SPTAN1: variants seen among roughly 807,000 people sequenced by gnomAD.
The protein encoded by SPTAN1 is spectrin alpha chain, non-erythrocytic 1.
SPTAN1 carries 61 observed loss-of-function variants against 331.3 expected under a neutral mutation model. That is an observed-to-expected ratio of 0.18 (90% CI 0.15 to 0.23). The LOEUF is 0.23. Ranked by LOEUF, SPTAN1 falls within the 10% of genes least tolerant of loss-of-function variation. SPTAN1 has a pLI of 1.00. For missense variants in SPTAN1, 2,043 were observed against 3,147.9 expected, an observed-to-expected ratio of 0.65 and a Z score of 8.40; for synonymous variants, 1,153 against 1,173.9, an observed-to-expected ratio of 0.98 and a Z score of 0.36.
At chr9:128,585,510 T>C (rs900052741) in intron 18 of SPTAN1, among the ~76,000 whole-genome samples, 10 of 152,162 alleles carry the variant, frequency 6.6e-5, no homozygotes, top group Admixed American at 2.0e-4. Flanking sequence ...TAATGCCAAC[T>C]TGCGATATCT....
At chr9:128,570,694 T>G (rs766194537) in intron 3 of SPTAN1, among the ~76,000 whole-genome samples, 8 of 151,446 alleles carry the variant, frequency 5.3e-5, no homozygotes, top group Admixed American at 2.0e-4. Flanking sequence ...TTTGCTCTTG[T>G]TGCCCCGGCT....
At chr9:128,593,219 G>A (rs529205496) in intron 23 of SPTAN1, 177 bp downstream of exon 23, 15 of 701,734 alleles carry the variant, frequency 2.1e-5, no homozygotes, top group Admixed American at 4.1e-5. Flanking sequence ...CAGCTGTGTC[G>A]GTCGATGACT....
At chr9:128,612,464 C>A (rs1375133883) in intron 39 of SPTAN1, among the ~76,000 whole-genome samples, 2 of 152,152 alleles carry the variant, frequency 1.3e-5, no homozygotes, top group Admixed American at 6.5e-5. Context: ...GACTACAGGT[C>A]ACTCACATCC....
Position 128,627,758 on chromosome 9 carries a change from A to G in SPTAN1, c.6690-167A>G. Reference sequence around the variant, plus strand: ...GTGGGACCATGCAGGGCGCGTGGTCAGCCCCAGCCATGACTTGGTGACAGA... The same window carrying G: ...GTGGGACCATGCAGGGCGCGTGGTCGGCCCCAGCCATGACTTGGTGACAGA... On this transcript the variant is annotated intron_variant, in intron 50 of 56. Transcript: ENST00000372739. The surrounding 1 kb of genome is among the most constrained non-coding windows in gnomAD (Gnocchi z 4.9). 1 of 942,184 alleles carries G rather than the reference A, an allele frequency of 1.1e-6. No individual in the cohort carries two copies. Among genetic ancestry groups the G allele is most frequent in the Non-Finnish European group, 1.7e-6 (1 of 576,500 alleles). The allele number at this position is 942,184 out of a possible 1,614,324, so 58.4% of individuals were successfully genotyped here. A position where few individuals can be genotyped will look rare whatever the true frequency, so the allele number is the denominator to read the frequency against.
intron 37 of SPTAN1, among the ~76,000 whole-genome samples, chr9:128,611,067 G>A (rs1324685631): frequency 1.3e-5 from 2 of 152,238 alleles, no homozygotes; most frequent in African/African-American, 4.8e-5. Flanking sequence ...GGAAATTGAT[G>A]TACAAGCAGA....
At chr9:128,623,485 T>A (rs982365570) in intron 45 of SPTAN1, among the ~76,000 whole-genome samples, 6 of 151,594 alleles carry the variant, frequency 4.0e-5, no homozygotes, top group Non-Finnish European at 5.9e-5. Flanking sequence ...AGACAGAGTC[T>A]TGCTGTGTTG....
In SPTAN1 at chr9:128,582,549, G is replaced by A. The variant is rs753283021; in HGVS notation, c.1643G>A (p.Arg548Gln). Residue 548 changes from arginine to glutamine, a missense_variant, in exon 13 of 57, where the codon CGA becomes CAA. By Grantham distance (43) the Arg-to-Gln change is conservative (BLOSUM62 1). Around this residue, in one of 12 missense-constraint regions of SPTAN1, gnomAD observed 1,038 missense variants for 1,531.5 expected, o/e 0.68. Coordinates refer to ENST00000372739, the MANE Select transcript of SPTAN1 (RefSeq NM_001130438.3). ...HYAMEDVATR[R>Q]DALLSRRNAL... The stretch of plus-strand genomic sequence containing the variant: ...GCAATGGAAGATGTGGCCACTCGCC[G>A]AGATGCTGTAAGTTTGTAGGTTCTT... 1.9e-6 allele frequency: 3 copies of A among 1,613,794 alleles called. No individual in the cohort carries two copies. The highest frequency in any genetic ancestry group is 2.5e-6 in the Non-Finnish European group (3 of 1,180,024).
At chr9:128,610,698 T>C (rs1350736144) in intron 37 of SPTAN1, among the ~76,000 whole-genome samples, 3 of 152,226 alleles carry the variant, frequency 2.0e-5, no homozygotes, top group African/African-American at 7.2e-5. Flanking sequence ...TCTGTTTCTT[T>C]ATGGATTCAT....
intron 18 of SPTAN1, among the ~76,000 whole-genome samples, chr9:128,585,281 G>A (rs1254937442): frequency 1.3e-5 from 2 of 151,932 alleles, no homozygotes; most frequent in African/African-American, 2.4e-5. Context: ...CACCTACCTC[G>A]GCCTCCCAAA....
At chr9:128,591,688 G>A in intron 22 of SPTAN1, 63 bp downstream of exon 22, 1 of 1,606,434 alleles carries the variant, frequency 6.2e-7, no homozygotes, top group Non-Finnish European at 8.5e-7. Flanking sequence ...GTTCCACATG[G>A]GCCGAAGCTT....
At chr9:128,555,206 T>C in intron 1 of SPTAN1, 2 of 493,712 alleles carry the variant, frequency 4.1e-6, no homozygotes, top group South Asian at 4.1e-5. Flanking sequence ...CTATACAGAA[T>C]GTCAGAGAGA....
intron 1 of SPTAN1, among the ~76,000 whole-genome samples, chr9:128,561,877 C>G (rs1435060497): frequency 6.6e-6 from 1 of 151,808 alleles, no homozygotes; most frequent in Non-Finnish European, 1.5e-5. Context: ...ATAATTGGAT[C>G]TATAATATGT....
intron 45 of SPTAN1, among the ~76,000 whole-genome samples, chr9:128,622,967 G>A (rs1304993602): frequency 6.6e-6 from 1 of 151,590 alleles, no homozygotes; most frequent in African/African-American, 2.4e-5. Flanking sequence ...TGGTTAGGCT[G>A]GTCTCAAACT....
At chr9:128,560,259 A>AT (rs1410099196) in intron 1 of SPTAN1, among the ~76,000 whole-genome samples, 1 of 150,238 alleles carries the variant, frequency 6.7e-6, no homozygotes, top group Admixed American at 6.6e-5. Context: ...AATTTTTTGT[A>AT]TTTTAATAGA....
At chr9:128,609,396 A>G (rs1856318291) in intron 36 of SPTAN1, 112 bp downstream of exon 36, 3 of 1,517,524 alleles carry the variant, frequency 2.0e-6, no homozygotes, top group Non-Finnish European at 9.0e-7. Context: ...GAAGTCAGTG[A>G]GAAATATTTC....
intron 26 of SPTAN1, 182 bp from the exon 27 acceptor site, chr9:128,599,898 T>C: frequency 3.0e-6 from 2 of 657,326 alleles, no homozygotes; most frequent in Non-Finnish European, 5.4e-6. Context: ...GTTGGCTTAA[T>C]TTTTCTTAAC....
Position 128,604,434 on chromosome 9 carries a change from G to C in SPTAN1, c.3719+17G>C. 6.2e-7 allele frequency: 1 copy of C among 1,608,268 alleles called. No individual in the cohort carries two copies. Among genetic ancestry groups the C allele is most frequent in the Non-Finnish European group, 8.5e-7 (1 of 1,177,314 alleles). On this transcript the variant is annotated intron_variant, in intron 29 of 56. Transcript: ENST00000372739. ...GTTCCACAGGTGAGGGGTCAGCCCT[G>C]GGCTGGGAGAGGGAGAAACAGGTGA... is the stretch of plus-strand genomic sequence containing the variant.
chr9:128,595,743 A>C (rs1229085139), intron 24 of SPTAN1: 1 of 152,196 alleles, frequency 6.6e-6, no homozygotes, highest in Non-Finnish European at 1.5e-5. Flanking sequence ...GCAGCCACTC[A>C]TCTGCTGCTT....
At chr9:128,590,680 T>C (rs897623772) in intron 21 of SPTAN1, among the ~76,000 whole-genome samples, 11 of 151,516 alleles carry the variant, frequency 7.3e-5, no homozygotes, top group African/African-American at 2.7e-4. Context: ...TGAAACCCCG[T>C]CTCTACTAAA....
Sources: allele counts gnomAD v4.1 joint callset (sites outside exome capture counted in the v4.1 genomes callset), GRCh38; gene constraint gnomAD v4.1.1; regional missense constraint gnomAD v4.1.1; non-coding constraint Gnocchi (gnomAD v3.1); transcripts MANE v1.5; gene names NCBI Gene and HGNC (gene_info 2026-07-23, HGNC 2026-07-21).